NKD1: variants seen among roughly 807,000 people sequenced by gnomAD.
The protein encoded by NKD1 is protein naked cuticle homolog 1.
In NKD1, 21 loss-of-function variants were observed where a neutral mutation model predicts 56.0. That is an observed-to-expected ratio of 0.38 (90% CI 0.27 to 0.54). The LOEUF is 0.54. NKD1 is among the 20% of genes least tolerant of loss of function. The pLI is 0.82. For synonymous variants in NKD1, 263 were observed against 265.7 expected (o/e 0.99, Z 0.10); for missense variants, 578 against 642.7 (o/e 0.90, Z 1.09).
chr16:50,571,900 A>C (rs768814412), intron 3 of NKD1, among the ~76,000 whole-genome samples: 1 of 152,172 alleles, frequency 6.6e-6, no homozygotes, highest in Non-Finnish European at 1.5e-5. Flanking sequence ...CATAAGGCTG[A>C]GCACAACCTG....
intron 5 of NKD1, among the ~76,000 whole-genome samples, chr16:50,624,739 G>A (rs949180679): frequency 6.6e-6 from 1 of 152,204 alleles, no homozygotes; most frequent in African/African-American, 2.4e-5. Flanking sequence ...GTCCCAGGGA[G>A]GGGTGAGGAG....
At chr16:50,573,261 C>T (rs887444127) in intron 3 of NKD1, among the ~76,000 whole-genome samples, 1 of 152,238 alleles carries the variant, frequency 6.6e-6, no homozygotes, top group African/African-American at 2.4e-5. Flanking sequence ...ATCTCAATCC[C>T]TGTGGTGCCC....
intron 3 of NKD1, chr16:50,555,249 G>C (rs1347378251): frequency 5.2e-5 from 8 of 152,598 alleles, no homozygotes; most frequent in African/African-American, 1.9e-4. Flanking sequence ...GGGTAATCAA[G>C]AAGGGAATGT....
At chr16:50,608,267 C>G (rs1439933574) in intron 3 of NKD1, 27 bp from the exon 4 acceptor site, 17 of 1,570,714 alleles carry the variant, frequency 1.1e-5, no homozygotes, top group Non-Finnish European at 1.5e-5. Flanking sequence ...AACCCCTGCT[C>G]AATGCCTCTG....
rs1034311826 is a variant in NKD1 at position 50,641,416 on chromosome 16, T to A, written c.*7635T>A. On this transcript the variant is annotated 3_prime_UTR_variant, in exon 10 of 10. Coordinates refer to ENST00000268459, the MANE Select transcript of NKD1 (RefSeq NM_033119.5). ...GACCGTACCTAGCCTGGCCCATCGA[T>A]GTGTCATGTTTGACCCATCAAGGGT... 6.6e-6 allele frequency: 1 copy of A among 152,234 alleles called. No individual in the cohort carries two copies. The highest frequency in any genetic ancestry group is 2.4e-5 in the African/African-American group (1 of 41,446). The allele number at this position is 152,234 out of a possible 1,614,324, so 9.4% of individuals were successfully genotyped here.
At chr16:50,562,986 A>ACCACCCCCACCCCCCCCCCCCC (rs1376803515) in intron 3 of NKD1, among the ~76,000 whole-genome samples, 1 of 60,410 alleles carries the variant, frequency 1.7e-5, no homozygotes, top group African/African-American at 9.4e-5. Context: ...TCCCACCACC[A>ACCACCCCCACCCCCCCCCCCCC]CCCCCCCCCC....
chr16:50,582,963 C>G (rs555979268), intron 3 of NKD1, among the ~76,000 whole-genome samples: 1 of 152,272 alleles, frequency 6.6e-6, no homozygotes, highest in African/African-American at 2.4e-5. Flanking sequence ...GCCGAGATTG[C>G]GCCCCTGCAC....
intron 3 of NKD1, among the ~76,000 whole-genome samples, chr16:50,579,705 G>A (rs1352461894): frequency 2.1e-5 from 3 of 145,846 alleles, no homozygotes; most frequent in Non-Finnish European, 3.0e-5. Context: ...ACTCCTGCGG[G>A]CTACCCGCTA....
intron 4 of NKD1, among the ~76,000 whole-genome samples, chr16:50,614,501 A>C (rs549347601): frequency 6.6e-6 from 1 of 152,250 alleles, no homozygotes; most frequent in East Asian, 1.9e-4. Flanking sequence ...CAAGGGTGGC[A>C]GTTCCCAGCT....
At position 50,623,274 on chromosome 16, in the gene NKD1, A is replaced by G. The variant is rs937575633; in HGVS notation, c.366+1566A>G. The stretch of plus-strand genomic sequence containing the variant: ...TCCCTGCCATGCCCCACCATCCTGC[A>G]CAGGCCACACCACACAGCTTGTTCT... On this transcript the variant is annotated intron_variant, in intron 5 of 9. Transcript: ENST00000268459. This position sits in a 1 kb window ranked among gnomAD's most constrained non-coding sequence, Gnocchi z 4.1. 4.0e-5 allele frequency among the ~76,000 whole-genome samples: 6 copies of G among 151,650 alleles called. No homozygotes were observed. The highest frequency in any genetic ancestry group is 1.5e-4 in the African/African-American group (6 of 41,304).
chr16:50,548,731 C>A lies in NKD1; in HGVS notation c.40C>A (p.Arg14Ser). The A allele has an allele frequency of 1.4e-6, 2 of 1,447,368 alleles. No homozygotes were observed. The highest frequency in any genetic ancestry group is 1.8e-6 in the Non-Finnish European group (2 of 1,110,114). 89.7% of individuals were successfully genotyped at this position (1,447,368 alleles called of 1,614,324 possible). A position where few individuals can be genotyped will look rare whatever the true frequency, so the allele number is the denominator to read the frequency against. Residue 14 changes from arginine to serine, a missense_variant, in exon 2 of 10, where the codon CGC becomes AGC. Arg to Ser is a moderately radical substitution (Grantham distance 110). Coordinates refer to ENST00000268459, the MANE Select transcript of NKD1 (RefSeq NM_033119.5). ...TGTGCCTGCAGCCGCCGTGTGCAAG[C>A]GCAGGGAGAGCCCGGAAGGTAGGGG... Reference protein sequence around the residue: ...LHSKPAAVCKRRESPEGDSFA... With the variant: ...LHSKPAAVCKSRESPEGDSFA...
intron 3 of NKD1, chr16:50,557,317 C>T (rs534040369): frequency 4.6e-5 from 7 of 152,192 alleles, no homozygotes; most frequent in African/African-American, 9.7e-5. Context: ...ATCTATCCCA[C>T]GTGCTGTGCT....
chr16:50,617,885 A>G (rs1262461704), intron 4 of NKD1, among the ~76,000 whole-genome samples: 1 of 152,248 alleles, frequency 6.6e-6, no homozygotes, highest in Non-Finnish European at 1.5e-5. Flanking sequence ...ACACATCTAA[A>G]GCAGCAATCA....
At chr16:50,557,168 CAG>C (rs1182347948) in intron 3 of NKD1, 4 of 152,158 alleles carry the variant, frequency 2.6e-5, no homozygotes, top group Non-Finnish European at 5.9e-5. Context: ...TGTAGGAAAA[CAG>C]AAATATTTTC....
At chr16:50,613,283 CAGAG>C (rs968783908) in intron 4 of NKD1, among the ~76,000 whole-genome samples, 2 of 151,872 alleles carry the variant, frequency 1.3e-5, no homozygotes, top group African/African-American at 4.8e-5. Context: ...GGGCAAGAAA[CAGAG>C]AGAGAGAGCG....
intron 3 of NKD1, among the ~76,000 whole-genome samples, chr16:50,601,276 G>T (rs934106207): frequency 6.6e-6 from 1 of 152,230 alleles, no homozygotes. Flanking sequence ...TTGCTTCTGG[G>T]AGCTGTGGGA....
intron 3 of NKD1, among the ~76,000 whole-genome samples, chr16:50,603,888 G>A (rs1477180997): frequency 6.6e-6 from 1 of 152,198 alleles, no homozygotes; most frequent in Non-Finnish European, 1.5e-5. Flanking sequence ...GCCAGCTGAT[G>A]GGGCACCACT....
rs769314167 is a variant in NKD1 at position 50,548,626 on chromosome 16, C to A, written c.25+48C>A. 12 of 1,445,820 alleles carry A rather than the reference C, an allele frequency of 8.3e-6. 1 individual carries two copies. The South Asian group carries it at 1.4e-4, about 16-fold the overall frequency. The allele number at this position is 1,445,820 out of a possible 1,614,324, so 89.6% of individuals were successfully genotyped here. A position where few individuals can be genotyped will look rare whatever the true frequency, so the allele number is the denominator to read the frequency against. Reference sequence around the variant, plus strand: ...TCGCCCCGGGCCCCGCCGCCGTCGCCGCCGCGGTCGCTAACTCTCTCCCTT... The same window carrying A: ...TCGCCCCGGGCCCCGCCGCCGTCGCAGCCGCGGTCGCTAACTCTCTCCCTT... On this transcript the variant is annotated intron_variant, in intron 1 of 9. Coordinates refer to ENST00000268459, the MANE Select transcript of NKD1 (RefSeq NM_033119.5).
intron 3 of NKD1, among the ~76,000 whole-genome samples, chr16:50,565,090 T>C (rs1196862522): frequency 6.6e-6 from 1 of 152,178 alleles, no homozygotes; most frequent in East Asian, 1.9e-4. Context: ...AAAAGTGATA[T>C]AGAGGCTGGG....
Sources: gnomAD v4.1 joint callset for allele counts (sites outside exome capture counted in the v4.1 genomes callset) on GRCh38, gnomAD v4.1.1 for gene constraint, Gnocchi (gnomAD v3.1) non-coding constraint, MANE v1.5 for transcripts, NCBI Gene and HGNC (gene_info 2026-07-23, HGNC 2026-07-21) for gene names.